The following MYO1B variants were observed in gnomAD, a reference collection of about 807,000 sequenced individuals.
MYO1B encodes the protein myosin IB, also known as unconventional myosin-Ib.
Under a neutral mutation model 159.7 loss-of-function variants are expected in MYO1B, and 72 were observed. That is an observed-to-expected ratio of 0.45 (90% confidence interval 0.37 to 0.55). The LOEUF is 0.55. Ranked by LOEUF, MYO1B falls within the 20% of genes least tolerant of loss-of-function variation. The probability of loss-of-function intolerance (pLI) is 0.00; values close to 1 mark genes in which losing one functional copy is unlikely to be tolerated. For missense variants in MYO1B, 1,062 were observed against 1,364.8 expected (o/e 0.78, Z 3.50); for synonymous variants, 468 against 473.8 (o/e 0.99, Z 0.16).
chr2:191,369,509 G>T (rs780146575), intron 11 of MYO1B, 33 bp from the exon 12 acceptor site: 4 of 1,447,984 alleles, frequency 2.8e-6, no homozygotes, highest in Non-Finnish European at 3.9e-6. Context: ...TGGAATTGTG[G>T]GTGTTAAGTT....
intron 2 of MYO1B, among the ~76,000 whole-genome samples, chr2:191,287,590 A>C (rs1316464172): frequency 2.0e-5 from 3 of 152,142 alleles, no homozygotes; most frequent in Admixed American, 2.0e-4. Flanking sequence ...GCCCACGTTC[A>C]CACAAAACTA....
In MYO1B at chr2:191,260,607, AG is replaced by A. The variant is rs1256904873; in HGVS notation, c.-10+14982del. The stretch of plus-strand genomic sequence containing the variant: ...TTAGCTACTTACAATAGAAGCACCC[AG>A]ATTTTTCTGGGAGCCTTTGCTTTTT... On this transcript the variant is annotated intron_variant, in intron 1 of 30. Coordinates refer to ENST00000392318, the MANE Select transcript of MYO1B (RefSeq NM_001130158.3). Among the ~76,000 whole-genome samples, 3 of 152,318 alleles carry A rather than the reference AG, an allele frequency of 2.0e-5. No individual in the cohort carries two copies. The East Asian group carries it at 5.8e-4, about 29-fold the overall frequency.
intron 30 of MYO1B, among the ~76,000 whole-genome samples, chr2:191,419,131 T>G (rs1025759807): frequency 6.6e-6 from 1 of 152,248 alleles, no homozygotes; most frequent in Non-Finnish European, 1.5e-5. Context: ...CACTGCCAGT[T>G]GTCTACAAGT....
chr2:191,296,332 G>GT (rs11397643), intron 3 of MYO1B, 106 bp downstream of exon 3: 397,731 of 404,394 alleles, frequency 0.98, 195,627 homozygotes, highest in South Asian at 0.99. Flanking sequence ...GTTTTTGTCA[G>GT]TTTTTTTTAA....
chr2:191,361,114 T>C (rs1292793540), intron 8 of MYO1B, among the ~76,000 whole-genome samples: 1 of 152,216 alleles, frequency 6.6e-6, no homozygotes, highest in Admixed American at 6.5e-5. Flanking sequence ...GTCTCCGATG[T>C]GTTGAGGACT....
At chr2:191,379,351 G>T (rs890918814) in intron 13 of MYO1B, 1 of 152,674 alleles carries the variant, frequency 6.5e-6, no homozygotes, top group Non-Finnish European at 1.5e-5. Flanking sequence ...GAGTTTTGCA[G>T]TAAGTGGTTG....
chr2:191,401,147 G>T (rs1696590665), intron 23 of MYO1B, among the ~76,000 whole-genome samples: 1 of 151,208 alleles, frequency 6.6e-6, no homozygotes, highest in Non-Finnish European at 1.5e-5. Context: ...ATTGATGAAT[G>T]CTAGCAGTTT....
chr2:191,356,337 C>CTTTTTTTTT (rs79525897), intron 7 of MYO1B, among the ~76,000 whole-genome samples: 70 of 106,348 alleles, frequency 6.6e-4, no homozygotes, highest in Non-Finnish European at 8.9e-4. Context: ...GGCTGGGCTT[C>CTTTTTTTTT]TTTTTTTTTT....
chr2:191,269,540 G>A (rs1687337812), intron 1 of MYO1B, among the ~76,000 whole-genome samples: 1 of 152,136 alleles, frequency 6.6e-6, no homozygotes, highest in African/African-American at 2.4e-5. Context: ...CGGTTACGTA[G>A]GGAGTCTGTG....
chr2:191,388,878 C>T (rs1695568415), intron 17 of MYO1B, among the ~76,000 whole-genome samples: 1 of 152,082 alleles, frequency 6.6e-6, no homozygotes, highest in Non-Finnish European at 1.5e-5. Context: ...CTTCATTCCC[C>T]TCCTTTTTTT....
At position 191,330,126 on chromosome 2, in the gene MYO1B, C is replaced by G. The variant is rs534048016; in HGVS notation, c.346+97C>G. On this transcript the variant is annotated intron_variant, in intron 4 of 30. Coordinates refer to ENST00000392318, the MANE Select transcript of MYO1B (RefSeq NM_001130158.3). ...AGGGCCTCCTTAGCAAGATCTGTCG[C>G]AGGGCCACTGTGAGGGTGCTTCTGC... 5.1e-6 allele frequency: 5 copies of G among 985,436 alleles called. No homozygotes were observed. In the African/African-American group the frequency reaches 8.2e-5, roughly 16 times the overall value. 61.0% of individuals were successfully genotyped at this position (985,436 alleles called of 1,614,324 possible). A position where few individuals can be genotyped will look rare whatever the true frequency, so the allele number is the denominator to read the frequency against.
chr2:191,307,110 C>T (rs1689693199), intron 3 of MYO1B, among the ~76,000 whole-genome samples: 1 of 152,082 alleles, frequency 6.6e-6, no homozygotes, highest in East Asian at 1.9e-4. Context: ...ACAGAGCAGC[C>T]CTGAGGGCTG....
chr2:191,357,697 A>T (rs1040549409), intron 7 of MYO1B, among the ~76,000 whole-genome samples: 2 of 152,200 alleles, frequency 1.3e-5, no homozygotes, highest in African/African-American at 4.8e-5. Flanking sequence ...GACTTAATTC[A>T]GGGGCACATT....
intron 19 of MYO1B, among the ~76,000 whole-genome samples, chr2:191,392,600 TA>T (rs894871662): frequency 1.3e-5 from 2 of 151,916 alleles, no homozygotes; most frequent in African/African-American, 2.4e-5. Context: ...TTTTTTAAGT[TA>T]AAAAAAATAC....
chr2:191,364,445 A>G (rs1693868328), intron 11 of MYO1B, among the ~76,000 whole-genome samples, 169 bp downstream of exon 11: 2 of 152,224 alleles, frequency 1.3e-5, no homozygotes, highest in African/African-American at 4.8e-5. Flanking sequence ...GCCCTCATGG[A>G]GCTTAAAATT....
chr2:191,411,058 T>C lies in MYO1B; in HGVS notation c.2767-8T>C. On this transcript the variant is annotated splice_region_variant and splice_polypyrimidine_tract_variant and intron_variant, in intron 26 of 30. Coordinates refer to ENST00000392318, the MANE Select transcript of MYO1B (RefSeq NM_001130158.3). ...GATGTTTTGTTTCTTTCTTCTCATA[T>C]CTCACAGTGTAAAAAATACAGGGAC... 1 of 1,507,204 alleles carries C rather than the reference T, an allele frequency of 6.6e-7. No individual in the cohort carries two copies. Among genetic ancestry groups the C allele is most frequent in the Non-Finnish European group, 9.1e-7 (1 of 1,098,938 alleles). 93.4% of individuals were successfully genotyped at this position (1,507,204 alleles called of 1,614,324 possible).
At chr2:191,300,957 C>T (rs6434460) in intron 3 of MYO1B, among the ~76,000 whole-genome samples, 151,239 of 152,296 alleles carry the variant, frequency 0.99, 75,099 homozygotes, top group East Asian at 1. Flanking sequence ...GATTGGTTTC[C>T]TACCTATTTT....
intron 3 of MYO1B, among the ~76,000 whole-genome samples, chr2:191,308,873 T>A (rs1041907529): frequency 6.6e-6 from 1 of 152,212 alleles, no homozygotes. Context: ...CTTTTAAAAT[T>A]TGGCTTTCTG....
At chr2:191,279,404 A>C (rs1034269552) in intron 2 of MYO1B, among the ~76,000 whole-genome samples, 2 of 146,716 alleles carry the variant, frequency 1.4e-5, no homozygotes, top group African/African-American at 4.9e-5. Flanking sequence ...AGAGACAGGT[A>C]TGTTACCTTC....
Sources: gnomAD v4.1 joint callset for allele counts (sites outside exome capture counted in the v4.1 genomes callset) on GRCh38, gnomAD v4.1.1 for gene constraint, MANE v1.5 for transcripts, NCBI Gene and HGNC (gene_info 2026-07-23, HGNC 2026-07-21) for gene names.